NPL: variants seen among roughly 807,000 people sequenced by gnomAD.
The protein encoded by NPL is N-acetylneuraminate pyruvate lyase, also known as N-acetylneuraminate lyase.
In NPL, 32 loss-of-function variants were observed where a neutral mutation model predicts 41.1. That is an observed-to-expected ratio of 0.78 (90% CI 0.59 to 1.05). NPL has a LOEUF of 1.05. Among genes scored for constraint, NPL ranks in the 50% least tolerant of loss-of-function variants. The pLI, the probability that NPL is intolerant of heterozygous loss-of-function variation, is 0.00. For missense variants in NPL, 321 were observed against 378.4 expected (o/e 0.85, Z 1.26); for synonymous variants, 128 against 134.9 (o/e 0.95, Z 0.35).
chr1:182,794,415 C>G lies in NPL; in HGVS notation c.44C>G (p.Thr15Ser). The G allele has an allele frequency of 6.2e-7, 1 of 1,614,166 alleles. No individual in the cohort carries two copies. Among genetic ancestry groups the G allele is most frequent in the Non-Finnish European group, 8.5e-7 (1 of 1,180,016 alleles). ...AAACTTCAGGGTCTTGTGGCTGCAACCATCACGCCAATGACTGAGAATGGG... is the reference window on the plus strand; with the variant it reads ...AAACTTCAGGGTCTTGTGGCTGCAAGCATCACGCCAATGACTGAGAATGGG... ...KKKLQGLVAATITPMTENGEI... is the reference protein window; with the variant it reads ...KKKLQGLVAASITPMTENGEI... Residue 15 changes from threonine to serine, a missense_variant, in exon 3 of 13, where the codon ACC becomes AGC. By Grantham distance (58) the Thr-to-Ser change is moderately conservative. Coordinates refer to ENST00000367553, the MANE Select transcript of NPL (RefSeq NM_030769.3).
In NPL at chr1:182,818,857, C is replaced by G; in HGVS notation, c.651C>G (p.Gly217=). ...ALVMGATGAV[G]STYNYLGKKT... ...TGATGGGAGCAACTGGAGCAGTGGGCAGGTAAGCATGACTCATTTTTCCCA... is the reference window on the plus strand; with the variant it reads ...TGATGGGAGCAACTGGAGCAGTGGGGAGGTAAGCATGACTCATTTTTCCCA... Residue 217 remains glycine (G), a splice_region_variant and synonymous_variant, in exon 10 of 13, where the codon GGC becomes GGG. Coordinates refer to ENST00000367553, the MANE Select transcript of NPL (RefSeq NM_030769.3). 1 of 1,613,842 alleles carries G rather than the reference C, an allele frequency of 6.2e-7. No homozygotes were observed. The highest frequency in any genetic ancestry group is 1.1e-5 in the South Asian group (1 of 91,082).
Position 182,818,977 on chromosome 1 carries a change from A to G in NPL, c.653+118A>G, listed in dbSNP as rs1233306347. The G allele has an allele frequency of 6.6e-6, 6 of 906,888 alleles. No individual in the cohort carries two copies. The East Asian group carries it at 1.5e-4, about 22-fold the overall frequency. The allele number at this position is 906,888 out of a possible 1,614,324, so 56.2% of individuals were successfully genotyped here. ...CTAATAGAAGTTTCCTTTCTTTTCCACATTCTTCCAGTGAAAGGGAATTAA... is the reference window on the plus strand; with the variant it reads ...CTAATAGAAGTTTCCTTTCTTTTCCGCATTCTTCCAGTGAAAGGGAATTAA... On this transcript the variant is annotated intron_variant, in intron 10 of 12. Transcript: ENST00000367553.
At chr1:182,812,937 G>T (rs1025882724) in intron 6 of NPL, among the ~76,000 whole-genome samples, 1 of 152,000 alleles carries the variant, frequency 6.6e-6, no homozygotes. Context: ...GGCAGATCAC[G>T]AGGTCAGGAG....
At chr1:182,800,445 A>T (rs1242503361) in intron 3 of NPL, among the ~76,000 whole-genome samples, 2 of 151,182 alleles carry the variant, frequency 1.3e-5, no homozygotes, top group Non-Finnish European at 3.0e-5. Flanking sequence ...CAAAAAAAAA[A>T]AAAAAAAAAA....
intron 10 of NPL, 131 bp from the exon 11 acceptor site, chr1:182,821,984 G>A (rs1667498746): frequency 2.8e-6 from 2 of 718,316 alleles, no homozygotes; most frequent in South Asian, 3.0e-5. Context: ...TCCCCTAATA[G>A]ATTAGGATTC....
intron 5 of NPL, chr1:182,809,940 T>C (rs1011333693): frequency 3.3e-5 from 5 of 152,212 alleles, no homozygotes; most frequent in African/African-American, 1.2e-4. Flanking sequence ...GGAGGGGTCG[T>C]GCAATAAAAC....
At chr1:182,825,037 A>G (rs536608964) in intron 11 of NPL, among the ~76,000 whole-genome samples, 1 of 152,202 alleles carries the variant, frequency 6.6e-6, no homozygotes, top group Non-Finnish European at 1.5e-5. Flanking sequence ...TTTTTGAGTC[A>G]TATGCCAAAA....
chr1:182,791,796 G>A (rs1374995251), intron 1 of NPL, among the ~76,000 whole-genome samples: 1 of 152,204 alleles, frequency 6.6e-6, no homozygotes, highest in Non-Finnish European at 1.5e-5. Flanking sequence ...CAGCCTAGTA[G>A]TGTTGGATTT....
chr1:182,790,633 TG>T (rs932285974), intron 1 of NPL, among the ~76,000 whole-genome samples: 12 of 147,566 alleles, frequency 8.1e-5, no homozygotes, highest in South Asian at 2.1e-4. Context: ...TTGTTGTTGT[TG>T]TTGTTGTTGT....
intron 6 of NPL, among the ~76,000 whole-genome samples, chr1:182,813,682 G>T (rs942427736): frequency 3.3e-5 from 5 of 152,194 alleles, no homozygotes; most frequent in African/African-American, 1.2e-4. Flanking sequence ...CTCTGGAATA[G>T]GGATAATCTC....
At chr1:182,813,020 G>A (rs925534579) in intron 6 of NPL, among the ~76,000 whole-genome samples, 2 of 151,988 alleles carry the variant, frequency 1.3e-5, no homozygotes, top group Non-Finnish European at 2.9e-5. Flanking sequence ...AGGCATGGTG[G>A]TGGGCGCCTA....
intron 1 of NPL, 76 bp from the exon 2 acceptor site, chr1:182,792,156 T>C (rs1666533481): frequency 6.6e-6 from 1 of 152,354 alleles, no homozygotes; most frequent in Admixed American, 6.5e-5. Context: ...GCATTGTTGT[T>C]AATCACTTTA....
intron 10 of NPL, among the ~76,000 whole-genome samples, chr1:182,820,974 A>T (rs1667472611): frequency 6.6e-6 from 1 of 152,318 alleles, no homozygotes; most frequent in East Asian, 1.9e-4. Context: ...AACATAATCT[A>T]TAAGCAAAGT....
intron 5 of NPL, chr1:182,809,419 A>C: frequency 3.7e-6 from 1 of 271,980 alleles, no homozygotes; most frequent in Non-Finnish European, 7.4e-6. Flanking sequence ...AGGTACCTGT[A>C]ATCCCAGCTA....
chr1:182,800,432 T>C (rs1666805826), intron 3 of NPL, among the ~76,000 whole-genome samples: 1 of 101,796 alleles, frequency 9.8e-6, no homozygotes, highest in African/African-American at 4.9e-5. Context: ...CAAGACCCTG[T>C]CTCAAAAAAA....
At chr1:182,789,990 G>A (rs543959209) in intron 1 of NPL, among the ~76,000 whole-genome samples, 185 bp downstream of exon 1, 4 of 152,376 alleles carry the variant, frequency 2.6e-5, no homozygotes, top group South Asian at 4.1e-4. Flanking sequence ...AATGCGAAAA[G>A]TGTAGGGACA....
rs551366422 is a variant in NPL at position 182,829,618 on chromosome 1, A to C, written c.*710A>C. ...TTCTATACAGAAAACTCAAAACTCAAAGTTTCAAAGAACCAAAGGACTCTT... is the reference window on the plus strand; with the variant it reads ...TTCTATACAGAAAACTCAAAACTCACAGTTTCAAAGAACCAAAGGACTCTT... On this transcript the variant is annotated 3_prime_UTR_variant, in exon 13 of 13. Transcript: ENST00000367553. 4.5e-6 allele frequency: 7 copies of C among 1,550,446 alleles called. No homozygotes were observed. The highest frequency in any genetic ancestry group is 5.2e-6 in the Non-Finnish European group (6 of 1,146,570).
intron 1 of NPL, among the ~76,000 whole-genome samples, chr1:182,791,577 C>T (rs74128159): frequency 0.033 from 5,041 of 152,238 alleles, 266 homozygotes; most frequent in African/African-American, 0.12. Context: ...ATTCCTAACC[C>T]CTATCCTACA....
chr1:182,815,604 T>G (rs1003478611), intron 7 of NPL, among the ~76,000 whole-genome samples: 6 of 152,150 alleles, frequency 3.9e-5, no homozygotes, highest in Middle Eastern at 3.2e-3. Context: ...TTTTAAAAAT[T>G]TTTTAAATTA....
Sources: gnomAD v4.1 joint callset for allele counts (sites outside exome capture counted in the v4.1 genomes callset) on GRCh38, gnomAD v4.1.1 for gene constraint, MANE v1.5 for transcripts, NCBI Gene and HGNC (gene_info 2026-07-23, HGNC 2026-07-21) for gene names.